The following TMEM184B variants were observed in gnomAD, a reference collection of about 807,000 sequenced individuals.
TMEM184B encodes the protein transmembrane protein 184B.
A neutral mutation model predicts 41.8 loss-of-function variants in TMEM184B; 17 were observed. The ratio of observed to expected loss-of-function variants is 0.41; its 90% CI spans 0.28 to 0.61. TMEM184B has a LOEUF of 0.61. TMEM184B is among the 20% of genes least tolerant of loss of function. The pLI is 0.34. For synonymous variants in TMEM184B, 240 were observed against 229.5 expected (o/e 1.05, Z -0.41); for missense variants, 393 against 557.8 (o/e 0.70, Z 2.98).
chr22:38,225,110 G>A lies in TMEM184B; in HGVS notation c.788-131C>T. On this transcript the variant is annotated intron_variant, in intron 7 of 8. Coordinates refer to ENST00000361906, the MANE Select transcript of TMEM184B (RefSeq NM_012264.5). This position sits in a 1 kb window ranked among gnomAD's most constrained non-coding sequence, Gnocchi z 4.4. ...AGCAGGGCCACAGCTGCTCCTGCAGGGCAGGGGTAGCGACACAAGGCCACA... is the reference window on the plus strand; with the variant it reads ...AGCAGGGCCACAGCTGCTCCTGCAGAGCAGGGGTAGCGACACAAGGCCACA... 1.8e-6 allele frequency: 2 copies of A among 1,114,908 alleles called. No individual in the cohort carries two copies. Among genetic ancestry groups the A allele is most frequent in the Non-Finnish European group, 2.5e-6 (2 of 810,722 alleles). 69.1% of individuals were successfully genotyped at this position (1,114,908 alleles called of 1,614,324 possible). A position where few individuals can be genotyped will look rare whatever the true frequency, so the allele number is the denominator to read the frequency against.
At chr22:38,255,320 G>A (rs531037492) in intron 1 of TMEM184B, among the ~76,000 whole-genome samples, 4 of 151,906 alleles carry the variant, frequency 2.6e-5, no homozygotes, top group East Asian at 1.9e-4. Context: ...CACCGCACCC[G>A]GCCTCATGGC....
rs1007113700 is a variant in TMEM184B at position 38,221,398 on chromosome 22, G to A, written c.*71C>T. The A allele has an allele frequency of 2.6e-6, 4 of 1,519,966 alleles. No homozygotes were observed. Among genetic ancestry groups the A allele is most frequent in the African/African-American group, 2.8e-5 (2 of 72,426 alleles). The allele number at this position is 1,519,966 out of a possible 1,614,324, so 94.2% of individuals were successfully genotyped here. The stretch of plus-strand genomic sequence containing the variant: ...TGTGCCAGCTGCCTCCTGGCCTGGT[G>A]GTGAGGCTGGAGGTGGGGCACAGCC... On this transcript the variant is annotated 3_prime_UTR_variant, in exon 9 of 9. Transcript: ENST00000361906.
Position 38,253,933 on chromosome 22 carries a change from G to A in TMEM184B, c.-58-5914C>T, listed in dbSNP as rs533392542. 3.3e-5 allele frequency among the ~76,000 whole-genome samples: 5 copies of A among 152,318 alleles called. No homozygotes were observed. The South Asian group carries it at 1.0e-3, about 32-fold the overall frequency. On this transcript the variant is annotated intron_variant, in intron 1 of 8. Coordinates refer to ENST00000361906, the MANE Select transcript of TMEM184B (RefSeq NM_012264.5). ...AAAGCTCCATGGGCCAGGCGCGGTGGTTCACACCTGTAATCCCAGCACTTT... is the reference window on the plus strand; with the variant it reads ...AAAGCTCCATGGGCCAGGCGCGGTGATTCACACCTGTAATCCCAGCACTTT...
chr22:38,225,273 G>T lies in TMEM184B; in HGVS notation c.787+151C>A. ...CTAGCCCCTGGGAAAGGCCCTCGAGGGCTCAGATTTCACCCCCAGCAAGTG... is the reference window on the plus strand; with the variant it reads ...CTAGCCCCTGGGAAAGGCCCTCGAGTGCTCAGATTTCACCCCCAGCAAGTG... On this transcript the variant is annotated intron_variant, in intron 7 of 8. Coordinates refer to ENST00000361906, the MANE Select transcript of TMEM184B (RefSeq NM_012264.5). This position sits in a 1 kb window ranked among gnomAD's most constrained non-coding sequence, Gnocchi z 4.4. 1 of 1,063,634 alleles carries T rather than the reference G, an allele frequency of 9.4e-7. No individual in the cohort carries two copies. 65.9% of individuals were successfully genotyped at this position (1,063,634 alleles called of 1,614,324 possible). A position where few individuals can be genotyped will look rare whatever the true frequency, so the allele number is the denominator to read the frequency against.
At chr22:38,227,450 C>T (rs1602376457) in intron 5 of TMEM184B, among the ~76,000 whole-genome samples, 1 of 152,134 alleles carries the variant, frequency 6.6e-6, no homozygotes, top group East Asian at 1.9e-4. Flanking sequence ...TAGGGCCCTG[C>T]TCAAGGAACC....
chr22:38,271,323 AAGAG>A (rs2092519117), intron 1 of TMEM184B, among the ~76,000 whole-genome samples: 1 of 152,192 alleles, frequency 6.6e-6, no homozygotes, highest in Non-Finnish European at 1.5e-5. Context: ...ATCTGGCAGC[AAGAG>A]AGAGGTCCTG....
At chr22:38,240,668 T>C (rs550256750) in intron 3 of TMEM184B, among the ~76,000 whole-genome samples, 15 of 148,868 alleles carry the variant, frequency 1.0e-4, no homozygotes, top group Admixed American at 2.7e-4. Flanking sequence ...TCCTGTGAGA[T>C]TTCAGGACAC....
intron 1 of TMEM184B, among the ~76,000 whole-genome samples, chr22:38,266,386 C>T (rs953508270): frequency 1.4e-4 from 21 of 152,232 alleles, no homozygotes; most frequent in African/African-American, 4.8e-4. Flanking sequence ...AGACAGGGTA[C>T]GAATAGCGCC....
chr22:38,271,140 C>A (rs1319653852), intron 1 of TMEM184B, among the ~76,000 whole-genome samples: 2 of 152,234 alleles, frequency 1.3e-5, no homozygotes, highest in Non-Finnish European at 2.9e-5. Flanking sequence ...GCCTTCTCCA[C>A]CCACATTAGC....
intron 1 of TMEM184B, among the ~76,000 whole-genome samples, chr22:38,256,910 C>G (rs2145743426): frequency 6.6e-6 from 1 of 151,810 alleles, no homozygotes; most frequent in East Asian, 1.9e-4. Context: ...CTTCACCCAG[C>G]TTCCTCAACG....
intron 1 of TMEM184B, among the ~76,000 whole-genome samples, chr22:38,255,017 A>AT (rs941243319): frequency 6.6e-6 from 1 of 150,670 alleles, no homozygotes; most frequent in South Asian, 2.1e-4. Flanking sequence ...TGGCCAGCTA[A>AT]TTTTTTTTAT....
Position 38,221,100 on chromosome 22 carries a change from T to G in TMEM184B, c.*369A>C. 1 of 1,079,246 alleles carries G rather than the reference T, an allele frequency of 9.3e-7. No homozygotes were observed. The highest frequency in any genetic ancestry group is 1.1e-6 in the Non-Finnish European group (1 of 888,948). 66.9% of individuals were successfully genotyped at this position (1,079,246 alleles called of 1,614,324 possible). A position where few individuals can be genotyped will look rare whatever the true frequency, so the allele number is the denominator to read the frequency against. ...CGGCTTGCCGACCTCAGCCTGAGAG[T>G]CTCGCGGGGAGGAGGGGCTAGAAGG... On this transcript the variant is annotated 3_prime_UTR_variant, in exon 9 of 9. Transcript: ENST00000361906.
Position 38,245,915 on chromosome 22 carries a change from CACTCCGT to C in TMEM184B, c.358+13_358+19del. 1 of 1,594,138 alleles carries C rather than the reference CACTCCGT, an allele frequency of 6.3e-7. No individual in the cohort carries two copies. The highest frequency in any genetic ancestry group is 8.6e-7 in the Non-Finnish European group (1 of 1,169,522). ...CCCCCAGCCCCCCGCCAGCCCTCCC[CACTCCGT>C]CCCCATCCTCACCCTCATAGCAGTC... is the stretch of plus-strand genomic sequence containing the variant. On this transcript the variant is annotated intron_variant, in intron 3 of 8. Transcript: ENST00000361906.
At chr22:38,267,482 G>A (rs1324472444) in intron 1 of TMEM184B, among the ~76,000 whole-genome samples, 3 of 151,276 alleles carry the variant, frequency 2.0e-5, no homozygotes, top group Non-Finnish European at 4.4e-5. Context: ...ACCCAGGCTG[G>A]AGTGCAATGG....
At chr22:38,265,191 C>A (rs1569057693) in intron 1 of TMEM184B, among the ~76,000 whole-genome samples, 1 of 152,132 alleles carries the variant, frequency 6.6e-6, no homozygotes, top group Non-Finnish European at 1.5e-5. Context: ...TGTGTGTGCT[C>A]AAGGTGGTCC....
Position 38,272,604 on chromosome 22 carries a change from T to A in TMEM184B, c.-59+280A>T, listed in dbSNP as rs370579993. The A allele has an allele frequency of 6.1e-6, 6 of 985,182 alleles. No individual in the cohort carries two copies. In the South Asian group the frequency reaches 2.8e-4, roughly 46 times the overall value. The allele number at this position is 985,182 out of a possible 1,614,324, so 61.0% of individuals were successfully genotyped here. A position where few individuals can be genotyped will look rare whatever the true frequency, so the allele number is the denominator to read the frequency against. Reference sequence around the variant, plus strand: ...CTCCCGGGGCCGCCCCCCGGACAGGTCCGATTACACTCCAGGAGCTGCCCC... The same window carrying A: ...CTCCCGGGGCCGCCCCCCGGACAGGACCGATTACACTCCAGGAGCTGCCCC... On this transcript the variant is annotated intron_variant, in intron 1 of 8. Coordinates refer to ENST00000361906, the MANE Select transcript of TMEM184B (RefSeq NM_012264.5).
intron 1 of TMEM184B, among the ~76,000 whole-genome samples, chr22:38,256,685 C>T (rs538752277): frequency 3.3e-5 from 5 of 152,254 alleles, no homozygotes; most frequent in South Asian, 2.1e-4. Context: ...AAAACTGGAA[C>T]AAATAGTGTA....
intron 1 of TMEM184B, among the ~76,000 whole-genome samples, chr22:38,259,744 T>C (rs565891883): frequency 2.0e-5 from 3 of 152,320 alleles, no homozygotes; most frequent in Admixed American, 6.5e-5. Context: ...ATGCATTTTA[T>C]TGGTTTTTCT....
chr22:38,258,764 A>G (rs997376921), intron 1 of TMEM184B, among the ~76,000 whole-genome samples: 1 of 152,152 alleles, frequency 6.6e-6, no homozygotes, highest in Admixed American at 6.6e-5. Context: ...TATCACATCA[A>G]TTCAGGTCAG....
Sources: gnomAD v4.1 joint callset for allele counts (sites outside exome capture counted in the v4.1 genomes callset) on GRCh38, gnomAD v4.1.1 for gene constraint, Gnocchi (gnomAD v3.1) non-coding constraint, MANE v1.5 for transcripts, NCBI Gene and HGNC (gene_info 2026-07-23, HGNC 2026-07-21) for gene names.